MTCL1: variants seen among roughly 807,000 people sequenced by gnomAD.
The protein encoded by MTCL1 is microtubule cross-linking factor 1.
A neutral mutation model predicts 141.4 loss-of-function variants in MTCL1; 79 were observed. The observed-to-expected ratio is 0.56, with a 90% CI of 0.47 to 0.67. The LOEUF is 0.67. Ranked by LOEUF, MTCL1 falls within the 30% of genes least tolerant of loss-of-function variation. The pLI is 0.00. For synonymous variants in MTCL1, 914 were observed against 875.8 expected (o/e 1.04, Z -0.77); for missense variants, 2,177 against 2,113.9 (o/e 1.03, Z -0.59).
In MTCL1 at chr18:8,726,509, AAGAGCGAGC is replaced by A. The variant is rs1567945084; in HGVS notation, c.357+6014_357+6022del. Among the ~76,000 whole-genome samples, 23 of 126,806 alleles carry A rather than the reference AAGAGCGAGC, an allele frequency of 1.8e-4. 1 individual carries two copies. Among genetic ancestry groups the A allele is most frequent in the South Asian group, 4.6e-4 (2 of 4,314 alleles). The allele number at this position is 126,806 out of a possible 152,430, so 83.2% of individuals were successfully genotyped here. A position where few individuals can be genotyped will look rare whatever the true frequency, so the allele number is the denominator to read the frequency against. ...AGAGAGAGAGAGCGCGCGCGCGCGC[AAGAGCGAGC>A]GAGAGAGAGCGAGTGCGCATGCGCG... On this transcript the variant is annotated intron_variant, in intron 4 of 16. Coordinates refer to ENST00000359865, the Ensembl canonical transcript of MTCL1.
chr18:8,775,065 T>C (rs1255588559), intron 4 of MTCL1, among the ~76,000 whole-genome samples: 1 of 152,064 alleles, frequency 6.6e-6, no homozygotes, highest in Non-Finnish European at 1.5e-5. Context: ...TCTGCGTAGA[T>C]TTTGTCTCCA....
chr18:8,763,611 C>G (rs547507850), intron 4 of MTCL1, among the ~76,000 whole-genome samples: 41 of 152,224 alleles, frequency 2.7e-4, no homozygotes, highest in Non-Finnish European at 5.4e-4. Context: ...CTTCACGCTT[C>G]TACATATCCT....
chr18:8,814,899 T>C (rs1185165084), intron 12 of MTCL1, among the ~76,000 whole-genome samples: 1 of 152,232 alleles, frequency 6.6e-6, no homozygotes, highest in African/African-American at 2.4e-5. Context: ...GAATGAAGAA[T>C]TTCTAGTAAA....
At chr18:8,832,680 A>G (rs887889870) in exon 17 of MTCL1, 3 of 152,238 alleles carry the variant, frequency 2.0e-5, no homozygotes, top group African/African-American at 7.2e-5. Flanking sequence ...GGAAAACACT[A>G]CAAAAAGTCA....
intron 5 of MTCL1, among the ~76,000 whole-genome samples, chr18:8,781,885 A>C (rs12458221): frequency 0.26 from 39,813 of 152,132 alleles, 5,565 homozygotes; most frequent in Non-Finnish European, 0.31. Flanking sequence ...TGGGCGTGTC[A>C]TCCTCCCGAG....
At chr18:8,805,352 T>C (rs1251939591) in intron 10 of MTCL1, among the ~76,000 whole-genome samples, 1 of 152,176 alleles carries the variant, frequency 6.6e-6, no homozygotes. Context: ...AGTGAGAACA[T>C]GCGGTATTTG....
At chr18:8,760,720 A>T (rs534265517) in intron 4 of MTCL1, among the ~76,000 whole-genome samples, 1 of 151,748 alleles carries the variant, frequency 6.6e-6, no homozygotes, top group Admixed American at 6.6e-5. Context: ...GCATGTGTGT[A>T]TGTGTGCATT....
exon 1 of MTCL1, chr18:8,706,691 G>T: frequency 6.5e-7 from 1 of 1,546,188 alleles, no homozygotes; most frequent in Non-Finnish European, 8.7e-7. Context: ...GAGGAGCTGC[G>T]CTCGGAGAAC....
chr18:8,706,197 G>C, exon 1 of MTCL1: 1 of 1,225,516 alleles, frequency 8.2e-7, no homozygotes, highest in Non-Finnish European at 1.0e-6. Context: ...CCCCGACCCC[G>C]GCCGCCCGGA....
At chr18:8,831,889 A>AAAAACTCT in exon 17 of MTCL1, 3 of 1,449,452 alleles carry the variant, frequency 2.1e-6, no homozygotes, top group Non-Finnish European at 2.8e-6. Flanking sequence ...CCAACAGGAG[A>AAAAACTCT]GATCTAGTTT....
chr18:8,806,802 C>A, intron 10 of MTCL1, 91 bp from the exon 10 acceptor site: 1 of 1,410,258 alleles, frequency 7.1e-7, no homozygotes, highest in African/African-American at 1.4e-5. Flanking sequence ...GAAACAGCCC[C>A]CACACTACCT....
chr18:8,749,626 A>C (rs1457672129), intron 4 of MTCL1, among the ~76,000 whole-genome samples: 2 of 152,196 alleles, frequency 1.3e-5, no homozygotes, highest in East Asian at 3.8e-4. Flanking sequence ...GGCAGATCCA[A>C]TGGTGGGCCC....
intron 1 of MTCL1, among the ~76,000 whole-genome samples, chr18:8,709,490 C>G (rs1309632457): frequency 6.6e-6 from 1 of 152,088 alleles, no homozygotes; most frequent in Non-Finnish European, 1.5e-5. Flanking sequence ...CTCTGTGCCT[C>G]GTGGGGTACT....
exon 15 of MTCL1, chr18:8,826,150 G>A: frequency 6.2e-7 from 1 of 1,613,376 alleles, no homozygotes; most frequent in Non-Finnish European, 8.5e-7. Flanking sequence ...AAGGAGGAGA[G>A]GAGGCAGGCT....
intron 4 of MTCL1, among the ~76,000 whole-genome samples, chr18:8,730,446 A>T (rs1311629834): frequency 6.6e-6 from 1 of 152,180 alleles, no homozygotes; most frequent in Non-Finnish European, 1.5e-5. Flanking sequence ...GGAATTTCTG[A>T]TTCTTTATAT....
intron 10 of MTCL1, among the ~76,000 whole-genome samples, chr18:8,804,253 A>G (rs997720430): frequency 2.2e-5 from 3 of 135,932 alleles, no homozygotes; most frequent in Admixed American, 7.4e-5. Flanking sequence ...TAATTTTTAG[A>G]TTTTTTTTTT....
At chr18:8,784,237 G>T in exon 6 of MTCL1, 1 of 1,608,898 alleles carries the variant, frequency 6.2e-7, no homozygotes, top group South Asian at 1.1e-5. Flanking sequence ...CAGCCCACCT[G>T]GGGCTGCGTG....
chr18:8,793,659 G>A (rs1443322097), intron 8 of MTCL1, among the ~76,000 whole-genome samples: 5 of 152,106 alleles, frequency 3.3e-5, no homozygotes, highest in Non-Finnish European at 4.4e-5. Flanking sequence ...GGCACTCGTC[G>A]CCCTGGACAT....
intron 4 of MTCL1, among the ~76,000 whole-genome samples, chr18:8,768,622 A>G (rs975973340): frequency 1.3e-5 from 2 of 152,162 alleles, no homozygotes; most frequent in African/African-American, 2.4e-5. Flanking sequence ...CAACATTTTA[A>G]TATATCATTT....
Sources: allele counts gnomAD v4.1 joint callset (sites outside exome capture counted in the v4.1 genomes callset), GRCh38; gene constraint gnomAD v4.1.1; transcripts MANE v1.5; gene names NCBI Gene and HGNC (gene_info 2026-07-23, HGNC 2026-07-21).